The following RAB2A variants were observed in gnomAD, a reference collection of about 807,000 sequenced individuals.
The protein encoded by RAB2A is RAB2A, member RAS oncogene family, also known as ras-related protein Rab-2A.
In RAB2A, 7 loss-of-function variants were observed where a neutral mutation model predicts 32.5. The observed-to-expected ratio is 0.22, with a 90% CI of 0.12 to 0.40. RAB2A has a LOEUF of 0.40. RAB2A is among the 10% of genes least tolerant of loss of function. The pLI, the probability that RAB2A is intolerant of heterozygous loss-of-function variation, is 1.00. For missense variants in RAB2A, 108 were observed against 260.7 expected (o/e 0.41, Z 4.03); for synonymous variants, 79 against 85.2 (o/e 0.93, Z 0.40).
intron 6 of RAB2A, among the ~76,000 whole-genome samples, chr8:60,614,983 C>T (rs142514842): frequency 8.5e-4 from 130 of 152,314 alleles, no homozygotes; most frequent in African/African-American, 2.9e-3. Flanking sequence ...ACTTCATAAT[C>T]GTGGATCTGC....
chr8:60,578,426 G>T (rs1272423763), intron 3 of RAB2A, among the ~76,000 whole-genome samples: 1 of 152,190 alleles, frequency 6.6e-6, no homozygotes, highest in Admixed American at 6.5e-5. Flanking sequence ...GGCTTGAGCT[G>T]GTCCTCAAAG....
In RAB2A at chr8:60,572,201, C is replaced by CT. The variant is rs979478836; in HGVS notation, c.186+89dup. The stretch of plus-strand genomic sequence containing the variant: ...TATTTGTTTTAATGTTATTATATGC[C>CT]TGTTATGGTTTGTTAGACACTGACT... On this transcript the variant is annotated intron_variant, in intron 3 of 7. Transcript: ENST00000262646. 3.2e-5 allele frequency: 32 copies of CT among 1,001,508 alleles called. No individual in the cohort carries two copies. In the African/African-American group the frequency reaches 4.7e-4, roughly 15 times the overall value. The allele number at this position is 1,001,508 out of a possible 1,614,324, so 62.0% of individuals were successfully genotyped here.
At chr8:60,523,754 G>A (rs1401803916) in intron 1 of RAB2A, among the ~76,000 whole-genome samples, 8 of 147,740 alleles carry the variant, frequency 5.4e-5, no homozygotes, top group African/African-American at 1.5e-4. Context: ...GCAGTGGCGC[G>A]ATCTCGGCTC....
chr8:60,526,499 A>G (rs769106896), intron 1 of RAB2A, among the ~76,000 whole-genome samples: 5 of 152,208 alleles, frequency 3.3e-5, no homozygotes, highest in Non-Finnish European at 5.9e-5. Context: ...TTACCTGGAT[A>G]ATACATGCTA....
rs928866713 is a variant in RAB2A at position 60,623,475 on chromosome 8, A to G, written c.*2706A>G. On this transcript the variant is annotated 3_prime_UTR_variant, in exon 8 of 8. Transcript: ENST00000262646. ...GAGGTTGGCAGCATGGGGTTTGACTATATGAGCTAAAAGATACACAAAGAG... is the reference window on the plus strand; with the variant it reads ...GAGGTTGGCAGCATGGGGTTTGACTGTATGAGCTAAAAGATACACAAAGAG... The G allele has an allele frequency of 6.6e-6, 1 of 152,194 alleles. No homozygotes were observed. The highest frequency in any genetic ancestry group is 2.4e-5 in the African/African-American group (1 of 41,448). 9.4% of individuals were successfully genotyped at this position (152,194 alleles called of 1,614,324 possible).
chr8:60,592,222 A>G, intron 6 of RAB2A: 1 of 261,722 alleles, frequency 3.8e-6, no homozygotes, highest in Non-Finnish European at 7.5e-6. Flanking sequence ...TTTCTAAACA[A>G]TTTCCTATAG....
At chr8:60,548,843 C>T (rs563145407) in intron 1 of RAB2A, among the ~76,000 whole-genome samples, 220 of 150,674 alleles carry the variant, frequency 1.5e-3, no homozygotes, top group African/African-American at 5.2e-3. Flanking sequence ...CCCTCCCGGA[C>T]GAGGTGGCTG....
chr8:60,586,270 C>A (rs1803844507), intron 5 of RAB2A, among the ~76,000 whole-genome samples: 1 of 150,630 alleles, frequency 6.6e-6, no homozygotes, highest in Non-Finnish European at 1.5e-5. Flanking sequence ...GTACTCCAGC[C>A]TGAGCAACAA....
intron 5 of RAB2A, among the ~76,000 whole-genome samples, chr8:60,589,047 A>T (rs1803892730): frequency 1.3e-5 from 2 of 152,188 alleles, no homozygotes; most frequent in Admixed American, 1.3e-4. Flanking sequence ...TTATAAAGCT[A>T]TTGGAGGGAA....
chr8:60,586,755 A>T (rs1198881792), intron 5 of RAB2A, among the ~76,000 whole-genome samples: 1 of 152,010 alleles, frequency 6.6e-6, no homozygotes, highest in Non-Finnish European at 1.5e-5. Flanking sequence ...ATCTCTACAA[A>T]AAATAAAATA....
At chr8:60,557,267 G>A (rs1807953438) in intron 1 of RAB2A, among the ~76,000 whole-genome samples, 1 of 152,140 alleles carries the variant, frequency 6.6e-6, no homozygotes, top group African/African-American at 2.4e-5. Context: ...TATAATCCCA[G>A]CATTTTGGGA....
chr8:60,618,494 AATGTT>A (rs1804484072), intron 6 of RAB2A, 81 bp from the exon 7 acceptor site: 1 of 593,614 alleles, frequency 1.7e-6, no homozygotes, highest in South Asian at 4.0e-5. Flanking sequence ...TCATATGTTG[AATGTT>A]ATGATATTCT....
At chr8:60,606,771 G>A (rs1804238456) in intron 6 of RAB2A, among the ~76,000 whole-genome samples, 1 of 152,212 alleles carries the variant, frequency 6.6e-6, no homozygotes, top group African/African-American at 2.4e-5. Flanking sequence ...GGGCCTTTTT[G>A]AGCTGCAGCT....
intron 6 of RAB2A, among the ~76,000 whole-genome samples, chr8:60,607,619 A>T (rs1298232201): frequency 1.3e-5 from 2 of 152,006 alleles, no homozygotes; most frequent in Non-Finnish European, 2.9e-5. Context: ...CCCAAATACT[A>T]ATGTACACTT....
At chr8:60,554,685 T>G (rs900306193) in intron 1 of RAB2A, among the ~76,000 whole-genome samples, 1 of 152,112 alleles carries the variant, frequency 6.6e-6, no homozygotes. Flanking sequence ...AAACCCCATT[T>G]CTACTAAAAT....
intron 6 of RAB2A, among the ~76,000 whole-genome samples, chr8:60,606,920 A>C (rs150914289): frequency 6.6e-6 from 1 of 152,304 alleles, no homozygotes; most frequent in East Asian, 1.9e-4. Flanking sequence ...AAGTCTCTGA[A>C]ATGCCTAAAA....
chr8:60,581,944 TTC>T (rs1397072346), intron 3 of RAB2A, among the ~76,000 whole-genome samples: 2 of 129,822 alleles, frequency 1.5e-5, no homozygotes, highest in Admixed American at 7.3e-5. Flanking sequence ...TTGTTTTTCT[TTC>T]TTTTTTTTTT....
At chr8:60,526,506 G>A (rs1807391790) in intron 1 of RAB2A, among the ~76,000 whole-genome samples, 1 of 152,168 alleles carries the variant, frequency 6.6e-6, no homozygotes, top group Non-Finnish European at 1.5e-5. Context: ...GATAATACAT[G>A]CTAATCTCCC....
At chr8:60,611,538 C>G (rs1178048120) in intron 6 of RAB2A, among the ~76,000 whole-genome samples, 3 of 152,086 alleles carry the variant, frequency 2.0e-5, no homozygotes, top group East Asian at 3.9e-4. Flanking sequence ...TCCTATATAC[C>G]ACATCCTTGA....
Sources: gnomAD v4.1 joint callset for allele counts (sites outside exome capture counted in the v4.1 genomes callset) on GRCh38, gnomAD v4.1.1 for gene constraint, MANE v1.5 for transcripts, NCBI Gene and HGNC (gene_info 2026-07-23, HGNC 2026-07-21) for gene names.